DLG2: variants seen among roughly 807,000 people sequenced by gnomAD.
DLG2 encodes disks large homolog 2.
Under a neutral mutation model 132.5 loss-of-function variants are expected in DLG2, and 45 were observed. The ratio of observed to expected loss-of-function variants is 0.34; its 90% CI spans 0.27 to 0.44. The LOEUF (loss-of-function observed/expected upper bound fraction) is 0.44, where lower values mean the gene tolerates loss of function less well. DLG2 is among the 20% of genes least tolerant of loss of function. The pLI is 1.00. For missense variants in DLG2, 1,045 were observed against 1,196.9 expected (o/e 0.87, Z 1.87); for synonymous variants, 424 against 419.6 (o/e 1.01, Z -0.13).
At chr11:84,615,513 A>T (rs2099602359) in intron 6 of DLG2, among the ~76,000 whole-genome samples, 1 of 152,050 alleles carries the variant, frequency 6.6e-6, no homozygotes, top group Admixed American at 6.6e-5. Context: ...ATTATTTGTT[A>T]ACCAAATTTG....
chr11:84,289,609 T>C (rs1027265040), intron 7 of DLG2, among the ~76,000 whole-genome samples: 2 of 152,116 alleles, frequency 1.3e-5, no homozygotes, highest in Non-Finnish European at 2.9e-5. Flanking sequence ...CCCAAGATTC[T>C]GACTCACAGG....
chr11:84,639,405 C>A (rs2099649796), intron 6 of DLG2, among the ~76,000 whole-genome samples: 1 of 143,414 alleles, frequency 7.0e-6, no homozygotes, highest in Admixed American at 7.2e-5. Flanking sequence ...TTTTGTAAAA[C>A]CAAAGAATCA....
At chr11:84,249,446 T>C (rs994342697) in intron 8 of DLG2, among the ~76,000 whole-genome samples, 12 of 152,206 alleles carry the variant, frequency 7.9e-5, no homozygotes, top group Non-Finnish European at 1.8e-4. Context: ...GACTTCTAAC[T>C]CTACAGCCAA....
chr11:83,514,698 C>T lies in DLG2; in HGVS notation c.2193+18010G>A, dbSNP rs1016109184. Among the ~76,000 whole-genome samples, 421 of 152,160 alleles carry T rather than the reference C, an allele frequency of 2.8e-3. 13 individuals are homozygous for T. Among genetic ancestry groups the T allele is most frequent in the Admixed American group, 0.019 (295 of 15,276 alleles). On this transcript the variant is annotated intron_variant, in intron 21 of 27. Transcript: ENST00000376104. Reference sequence around the variant, plus strand: ...AGATAGCTCTTATTATTTTGAGATACGGCCCATCAATACCTAATTTATTGA... The same window carrying T: ...AGATAGCTCTTATTATTTTGAGATATGGCCCATCAATACCTAATTTATTGA...
intron 7 of DLG2, among the ~76,000 whole-genome samples, chr11:84,284,458 C>T (rs886809914): frequency 6.6e-6 from 1 of 152,174 alleles, no homozygotes; most frequent in Admixed American, 6.5e-5. Flanking sequence ...CGCGAGTCAT[C>T]GTATTACAGT....
intron 15 of DLG2, among the ~76,000 whole-genome samples, chr11:83,890,531 G>C (rs2069474283): frequency 2.0e-5 from 3 of 152,242 alleles, no homozygotes; most frequent in African/African-American, 7.2e-5. Flanking sequence ...AAGGAGCATG[G>C]GCTTGGGAAC....
chr11:85,128,769 T>C (rs2075401937), intron 5 of DLG2, among the ~76,000 whole-genome samples: 3 of 152,306 alleles, frequency 2.0e-5, no homozygotes, highest in Middle Eastern at 3.4e-3. Flanking sequence ...TAAAATGTGT[T>C]GCATTAGTTA....
At chr11:85,358,545 A>G (rs978352493) in intron 3 of DLG2, among the ~76,000 whole-genome samples, 2 of 152,224 alleles carry the variant, frequency 1.3e-5, no homozygotes, top group Admixed American at 6.5e-5. Flanking sequence ...GAACCAGGGC[A>G]GTGAAAGGGA....
chr11:85,274,228 A>G (rs1468389645), intron 4 of DLG2, among the ~76,000 whole-genome samples: 3 of 152,198 alleles, frequency 2.0e-5, no homozygotes, highest in Non-Finnish European at 4.4e-5. Context: ...CGCTGTGCAC[A>G]TGTACCCTAG....
rs569268099 is a variant in DLG2 at position 83,663,666 on chromosome 11, CA to C, written c.1826-30342del. On this transcript the variant is annotated intron_variant, in intron 18 of 27. Transcript: ENST00000376104. ...CCTTTGCAGATTGTATGCTCTGACT[CA>C]GGGGTCACCTGGGCCATAAGCCATC... Among the ~76,000 whole-genome samples the C allele has an allele frequency of 4.6e-3, 704 of 152,292 alleles. 1 individual carries two copies. The highest frequency in any genetic ancestry group is 0.016 in the African/African-American group (678 of 41,574).
intron 7 of DLG2, among the ~76,000 whole-genome samples, chr11:84,529,806 T>C (rs1334943566): frequency 6.6e-6 from 1 of 152,090 alleles, no homozygotes; most frequent in Non-Finnish European, 1.5e-5. Flanking sequence ...AAAATTCACA[T>C]AGAACCAAAA....
At chr11:85,559,499 G>A (rs1056426980) in intron 3 of DLG2, among the ~76,000 whole-genome samples, 14 of 151,278 alleles carry the variant, frequency 9.3e-5, no homozygotes, top group South Asian at 6.3e-4. Context: ...AAAGCAAACC[G>A]AAAACAGTAT....
chr11:85,470,978 T>C (rs1167538491), intron 3 of DLG2, among the ~76,000 whole-genome samples: 1 of 152,194 alleles, frequency 6.6e-6, no homozygotes, highest in East Asian at 1.9e-4. Flanking sequence ...CTTATTTACA[T>C]TGCAAAGTGT....
intron 6 of DLG2, among the ~76,000 whole-genome samples, chr11:84,620,887 A>G (rs903982314): frequency 6.6e-6 from 1 of 152,186 alleles, no homozygotes; most frequent in Non-Finnish European, 1.5e-5. Context: ...AAATTGTGCA[A>G]AAATAAATGT....
At chr11:85,401,566 A>G (rs1316239639) in intron 3 of DLG2, among the ~76,000 whole-genome samples, 1 of 152,216 alleles carries the variant, frequency 6.6e-6, no homozygotes, top group Non-Finnish European at 1.5e-5. Flanking sequence ...TTTGCAGATG[A>G]CATGATTGTA....
Position 84,451,753 on chromosome 11 carries a change from T to C in DLG2, c.519+82817A>G, listed in dbSNP as rs139320733. Among the ~76,000 whole-genome samples, 1,066 of 151,682 alleles carry C rather than the reference T, an allele frequency of 7.0e-3. 14 individuals carry two copies. Among genetic ancestry groups the C allele is most frequent in the African/African-American group, 0.023 (957 of 41,450 alleles). ...GAAAAGAGATAGTACAAAAGATAAATAGAAAAATGTAGTCTCTTCAATAGT... is the reference window on the plus strand; with the variant it reads ...GAAAAGAGATAGTACAAAAGATAAACAGAAAAATGTAGTCTCTTCAATAGT... On this transcript the variant is annotated intron_variant, in intron 7 of 27. Transcript: ENST00000376104.
At chr11:84,001,461 T>C (rs1050139436) in intron 11 of DLG2, among the ~76,000 whole-genome samples, 2 of 152,060 alleles carry the variant, frequency 1.3e-5, no homozygotes, top group African/African-American at 4.8e-5. Context: ...ATACAAATAT[T>C]ACTAGTTCTG....
chr11:83,875,245 G>T (rs1324297193), intron 15 of DLG2, among the ~76,000 whole-genome samples: 2 of 152,066 alleles, frequency 1.3e-5, no homozygotes, highest in African/African-American at 4.8e-5. Flanking sequence ...AACAAGAAAA[G>T]ACTGATTTTG....
intron 3 of DLG2, chr11:85,524,861 G>T (rs1036023264): frequency 6.6e-6 from 1 of 152,012 alleles, no homozygotes; most frequent in Non-Finnish European, 1.5e-5. Context: ...TTAAAAAAAA[G>T]AAATTATTGT....
Sources: allele counts gnomAD v4.1 joint callset (sites outside exome capture counted in the v4.1 genomes callset), GRCh38; gene constraint gnomAD v4.1.1; transcripts MANE v1.5; gene names NCBI Gene and HGNC (gene_info 2026-07-23, HGNC 2026-07-21).